The following ZBTB16 variants were observed in gnomAD, a reference collection of about 807,000 sequenced individuals.
The protein encoded by ZBTB16 is zinc finger and BTB domain containing 16, also known as zinc finger and BTB domain-containing protein 16.
Under a neutral mutation model 56.8 loss-of-function variants are expected in ZBTB16, and 8 were observed. That is an observed-to-expected ratio of 0.14 (90% CI 0.08 to 0.25). The LOEUF (loss-of-function observed/expected upper bound fraction) is 0.25. ZBTB16 is among the 10% of genes least tolerant of loss of function. The probability of loss-of-function intolerance (pLI) is 1.00; values close to 1 mark genes in which losing one functional copy is unlikely to be tolerated. For missense variants in ZBTB16, 625 were observed against 903.0 expected (o/e 0.69, Z 3.95); for synonymous variants, 363 against 368.5 (o/e 0.98, Z 0.17).
chr11:114,060,272 C>A lies in ZBTB16; in HGVS notation c.-91+390C>A, dbSNP rs1429532041. ...CCGTGGGTGCTCTTATGTATGCGGA[C>A]CGGTGCGCGGGCGCAAGATAAGGTT... On this transcript the variant is annotated intron_variant, in intron 1 of 6. Transcript: ENST00000335953. The surrounding 1 kb of genome is among the most constrained non-coding windows in gnomAD (Gnocchi z 6.0). 1 of 155,234 alleles carries A rather than the reference C, an allele frequency of 6.4e-6. No homozygotes were observed. Among genetic ancestry groups the A allele is most frequent in the African/African-American group, 2.4e-5 (1 of 41,562 alleles). 9.6% of individuals were successfully genotyped at this position (155,234 alleles called of 1,614,324 possible). A position where few individuals can be genotyped will look rare whatever the true frequency, so the allele number is the denominator to read the frequency against.
intron 2 of ZBTB16, among the ~76,000 whole-genome samples, chr11:114,080,404 G>C (rs1939717453): frequency 6.6e-6 from 1 of 151,998 alleles, no homozygotes; most frequent in South Asian, 2.1e-4. Context: ...CAGTGCAGGG[G>C]CCTTGTGCTG....
At chr11:114,229,306 C>G (rs908142331) in intron 4 of ZBTB16, among the ~76,000 whole-genome samples, 1 of 152,200 alleles carries the variant, frequency 6.6e-6, no homozygotes, top group Admixed American at 6.5e-5. Context: ...GTTTTTACTC[C>G]AAGCCACGCT....
intron 2 of ZBTB16, among the ~76,000 whole-genome samples, chr11:114,082,317 C>G (rs1667025585): frequency 6.6e-6 from 1 of 152,030 alleles, no homozygotes; most frequent in Admixed American, 6.5e-5. Flanking sequence ...GCAACACACA[C>G]CATGAACTGT....
chr11:114,247,625 A>C (rs1190134032), intron 6 of ZBTB16, among the ~76,000 whole-genome samples: 2 of 152,226 alleles, frequency 1.3e-5, no homozygotes, highest in African/African-American at 4.8e-5. Flanking sequence ...TCAGCCCTCC[A>C]GGCAGCTATA....
chr11:114,165,160 T>C (rs1455650190), intron 3 of ZBTB16, among the ~76,000 whole-genome samples: 1 of 152,156 alleles, frequency 6.6e-6, no homozygotes, highest in Non-Finnish European at 1.5e-5. Flanking sequence ...GAAAACAAAA[T>C]GTCACTCTGG....
intron 4 of ZBTB16, among the ~76,000 whole-genome samples, chr11:114,199,835 C>T (rs1261889396): frequency 6.6e-6 from 1 of 152,052 alleles, no homozygotes; most frequent in Non-Finnish European, 1.5e-5. Flanking sequence ...CTACATAAAA[C>T]CATACATGTG....
At chr11:114,081,620 A>G (rs554927144) in intron 2 of ZBTB16, among the ~76,000 whole-genome samples, 1 of 152,284 alleles carries the variant, frequency 6.6e-6, no homozygotes, top group South Asian at 2.1e-4. Flanking sequence ...TGGGGAAGAA[A>G]GATCCTTACT....
rs577040950 is a variant in ZBTB16, at chr11:114,251,156, G to T, written c.*601G>T. 6.6e-6 allele frequency among the ~76,000 whole-genome samples: 1 copy of T among 152,060 alleles called. No individual in the cohort carries two copies. The highest frequency in any genetic ancestry group is 1.9e-4 in the East Asian group (1 of 5,152). On this transcript the variant is annotated 3_prime_UTR_variant, in exon 7 of 7. Transcript: ENST00000335953. ...GCTTTGCCACATCTGGGTGTCCCCC[G>T]GTGGTCTCTGAGAGCCTCAGGACCC... is the stretch of plus-strand genomic sequence containing the variant.
chr11:114,197,877 C>T (rs145747860), intron 4 of ZBTB16, among the ~76,000 whole-genome samples: 2 of 152,214 alleles, frequency 1.3e-5, no homozygotes, highest in Admixed American at 1.3e-4. Context: ...AGGGACAGTG[C>T]TGGGCACCAA....
chr11:114,154,082 AGTG>A (rs1942343237), intron 2 of ZBTB16, among the ~76,000 whole-genome samples: 1 of 152,210 alleles, frequency 6.6e-6, no homozygotes, highest in African/African-American at 2.4e-5. Flanking sequence ...GAGAAAAGGC[AGTG>A]GTGTTACCCA....
intron 3 of ZBTB16, among the ~76,000 whole-genome samples, chr11:114,157,543 G>A (rs1290405273): frequency 2.6e-5 from 4 of 152,162 alleles, no homozygotes; most frequent in Non-Finnish European, 5.9e-5. Flanking sequence ...CCCGGGGGGC[G>A]TGTCCCCATC....
At chr11:114,113,131 C>T (rs1014898236) in intron 2 of ZBTB16, among the ~76,000 whole-genome samples, 1 of 152,200 alleles carries the variant, frequency 6.6e-6, no homozygotes, top group East Asian at 1.9e-4. Context: ...ATGGAAGATA[C>T]ATCTCTGCAT....
intron 4 of ZBTB16, among the ~76,000 whole-genome samples, chr11:114,193,392 A>C (rs1291693343): frequency 2.0e-5 from 3 of 152,176 alleles, no homozygotes; most frequent in Admixed American, 6.5e-5. Context: ...GGGAAGAGCC[A>C]CTTCCTTGTG....
At chr11:114,150,607 A>T (rs1328708928) in intron 2 of ZBTB16, among the ~76,000 whole-genome samples, 2 of 152,254 alleles carry the variant, frequency 1.3e-5, no homozygotes, top group Admixed American at 6.5e-5. Context: ...TCCTCTTAAA[A>T]TTAGAGCACA....
chr11:114,162,952 C>G (rs939856636), intron 3 of ZBTB16, among the ~76,000 whole-genome samples: 3 of 152,230 alleles, frequency 2.0e-5, no homozygotes, highest in Non-Finnish European at 4.4e-5. Context: ...ACTGGCCTGC[C>G]GGCAGGTCTG....
chr11:114,068,739 G>C (rs969149177), intron 2 of ZBTB16, among the ~76,000 whole-genome samples: 1 of 152,138 alleles, frequency 6.6e-6, no homozygotes, highest in Non-Finnish European at 1.5e-5. Context: ...TGGAACACTG[G>C]GCCCTCCCTT....
At chr11:114,152,163 G>A (rs1249737855) in intron 2 of ZBTB16, among the ~76,000 whole-genome samples, 1 of 152,180 alleles carries the variant, frequency 6.6e-6, no homozygotes, top group African/African-American at 2.4e-5. Flanking sequence ...ACTTTACAGA[G>A]AGGGATTTCT....
In ZBTB16 at chr11:114,063,141, T is replaced by A. The variant is rs1938950078; in HGVS notation, c.-90-70T>A. On this transcript the variant is annotated intron_variant, in intron 1 of 6. Coordinates refer to ENST00000335953, the MANE Select transcript of ZBTB16 (RefSeq NM_006006.6). The surrounding 1 kb of genome is among the most constrained non-coding windows in gnomAD (Gnocchi z 6.5). ...TGTTGTAGTGGTTGAATTCTTACTTTTAGGGACACTGATGAATTTGTCTTT... is the reference window on the plus strand; with the variant it reads ...TGTTGTAGTGGTTGAATTCTTACTTATAGGGACACTGATGAATTTGTCTTT... 6.4e-6 allele frequency: 5 copies of A among 785,158 alleles called. No individual in the cohort carries two copies. Among genetic ancestry groups the A allele is most frequent in the Non-Finnish European group, 1.0e-5 (5 of 482,950 alleles). The allele number at this position is 785,158 out of a possible 1,614,324, so 48.6% of individuals were successfully genotyped here. A position where few individuals can be genotyped will look rare whatever the true frequency, so the allele number is the denominator to read the frequency against.
intron 4 of ZBTB16, among the ~76,000 whole-genome samples, chr11:114,235,624 C>CCCTT (rs757566912): frequency 0.016 from 2,014 of 124,890 alleles, 71 homozygotes; most frequent in African/African-American, 0.044. Context: ...CTTTCCCTCT[C>CCCTT]CCTTCCTTTC....
Sources: gnomAD v4.1 joint callset for allele counts (sites outside exome capture counted in the v4.1 genomes callset) on GRCh38, gnomAD v4.1.1 for gene constraint, Gnocchi (gnomAD v3.1) non-coding constraint, MANE v1.5 for transcripts, NCBI Gene and HGNC (gene_info 2026-07-23, HGNC 2026-07-21) for gene names.